PPP1R13B: variants seen among roughly 807,000 people sequenced by gnomAD.
PPP1R13B encodes the protein protein phosphatase 1 regulatory subunit 13B, also known as apoptosis-stimulating of p53 protein 1.
PPP1R13B carries 44 observed loss-of-function variants against 119.8 expected under a neutral mutation model. The ratio of observed to expected loss-of-function variants is 0.37; its 90% confidence interval spans 0.29 to 0.47. The LOEUF is 0.47. Among genes scored for constraint, PPP1R13B ranks in the 20% least tolerant of loss-of-function variants. The pLI, the probability that PPP1R13B is intolerant of heterozygous loss-of-function variation, is 0.99. For missense variants in PPP1R13B, 1,227 were observed against 1,413.5 expected (o/e 0.87, Z 2.12); for synonymous variants, 542 against 561.5 (o/e 0.97, Z 0.49).
At chr14:103,834,091 C>T (rs1452383376) in intron 1 of PPP1R13B, among the ~76,000 whole-genome samples, 1 of 152,140 alleles carries the variant, frequency 6.6e-6, no homozygotes, top group Admixed American at 6.6e-5. Flanking sequence ...CAAAGAGGAA[C>T]TGGCTGGGCG....
chr14:103,803,596 T>C (rs966415342), intron 1 of PPP1R13B, among the ~76,000 whole-genome samples: 2 of 152,134 alleles, frequency 1.3e-5, no homozygotes, highest in Non-Finnish European at 2.9e-5. Context: ...GGAGCCGAGA[T>C]AGCACCACTG....
intron 1 of PPP1R13B, chr14:103,847,016 A>G: frequency 8.7e-7 from 1 of 1,147,328 alleles, no homozygotes; most frequent in Non-Finnish European, 1.1e-6. Context: ...ACCTGAGAGG[A>G]CCGAGGAGAT....
At chr14:103,833,630 G>A (rs899753103) in intron 1 of PPP1R13B, among the ~76,000 whole-genome samples, 7 of 151,968 alleles carry the variant, frequency 4.6e-5, no homozygotes, top group African/African-American at 9.7e-5. Flanking sequence ...GTGACAGAGC[G>A]AGACTCCATC....
chr14:103,822,588 T>G (rs1165341864), intron 1 of PPP1R13B, among the ~76,000 whole-genome samples: 1 of 151,026 alleles, frequency 6.6e-6, no homozygotes, highest in African/African-American at 2.4e-5. Flanking sequence ...CCAAGGCAGG[T>G]GGATCACAAG....
intron 5 of PPP1R13B, among the ~76,000 whole-genome samples, chr14:103,755,598 T>A (rs866168188): frequency 6.6e-6 from 1 of 152,208 alleles, no homozygotes; most frequent in Non-Finnish European, 1.5e-5. Context: ...AGGTTTAAGG[T>A]GTGATTATGA....
chr14:103,843,618 C>T (rs1281231871), intron 1 of PPP1R13B, among the ~76,000 whole-genome samples: 1 of 152,160 alleles, frequency 6.6e-6, no homozygotes, highest in Non-Finnish European at 1.5e-5. Flanking sequence ...CAAAAAAATA[C>T]TATTTTCATA....
At chr14:103,775,431 T>A (rs2085164585) in intron 4 of PPP1R13B, among the ~76,000 whole-genome samples, 1 of 152,122 alleles carries the variant, frequency 6.6e-6, no homozygotes, top group Non-Finnish European at 1.5e-5. Flanking sequence ...CCTGCCATCA[T>A]GCCCAGCTAA....
At chr14:103,816,767 A>C (rs2368561) in intron 1 of PPP1R13B, among the ~76,000 whole-genome samples, 19,929 of 152,156 alleles carry the variant, frequency 0.13, 1,986 homozygotes, top group African/African-American at 0.27. Flanking sequence ...AATACCAAAA[A>C]TTCAGTATTA....
chr14:103,836,039 C>G (rs1247071152), intron 1 of PPP1R13B, among the ~76,000 whole-genome samples: 1 of 150,044 alleles, frequency 6.7e-6, no homozygotes, highest in Non-Finnish European at 1.5e-5. Flanking sequence ...TGGCGCCTGG[C>G]CTACTGACTT....
At chr14:103,805,104 T>A (rs2085986481) in intron 1 of PPP1R13B, among the ~76,000 whole-genome samples, 1 of 152,154 alleles carries the variant, frequency 6.6e-6, no homozygotes, top group Non-Finnish European at 1.5e-5. Flanking sequence ...CTCAAAGTGC[T>A]GGGATTACAG....
chr14:103,814,080 T>C (rs1010190892), intron 1 of PPP1R13B, among the ~76,000 whole-genome samples: 1 of 152,242 alleles, frequency 6.6e-6, no homozygotes, highest in African/African-American at 2.4e-5. Context: ...ATGGGCGTGG[T>C]GGCTCACACC....
At chr14:103,810,758 G>A (rs1389709700) in intron 1 of PPP1R13B, among the ~76,000 whole-genome samples, 5 of 150,622 alleles carry the variant, frequency 3.3e-5, no homozygotes, top group South Asian at 4.2e-4. Flanking sequence ...ATGACAGAGC[G>A]AGACTCCATC....
At chr14:103,807,425 CTG>C (rs1470501717) in intron 1 of PPP1R13B, among the ~76,000 whole-genome samples, 3 of 152,218 alleles carry the variant, frequency 2.0e-5, no homozygotes, top group Non-Finnish European at 2.9e-5. Flanking sequence ...TAATTACCTG[CTG>C]TGTCAGTAGT....
At chr14:103,847,595 C>G (rs937100528), upstream of PPP1R13B, 2 of 986,260 alleles carry the variant, frequency 2.0e-6, no homozygotes, top group Non-Finnish European at 2.4e-6. Context: ...CCGCCCGGCT[C>G]GCTCTTCAGC....
chr14:103,832,849 A>ATGGGC (rs1413528444), intron 1 of PPP1R13B, among the ~76,000 whole-genome samples: 1 of 152,002 alleles, frequency 6.6e-6, no homozygotes, highest in African/African-American at 2.4e-5. Context: ...GGGTGTGGTG[A>ATGGGC]TGGGCGCCTG....
intron 1 of PPP1R13B, among the ~76,000 whole-genome samples, chr14:103,808,061 C>A (rs967999373): frequency 4.0e-5 from 6 of 151,372 alleles, no homozygotes; most frequent in African/African-American, 1.2e-4. Context: ...GCCAACATGG[C>A]GAAACCCCAT....
intron 9 of PPP1R13B, chr14:103,743,828 G>T (rs2084319774): frequency 6.6e-6 from 1 of 152,294 alleles, no homozygotes; most frequent in South Asian, 2.1e-4. Flanking sequence ...CGCTCTGAGC[G>T]CCTGGGCAAC....
chr14:103,752,710 T>C (rs1404112782), intron 7 of PPP1R13B, among the ~76,000 whole-genome samples: 1 of 152,042 alleles, frequency 6.6e-6, no homozygotes, highest in Non-Finnish European at 1.5e-5. Flanking sequence ...AATTTTTCTA[T>C]TTTTAGTAGA....
chr14:103,814,919 T>C (rs915833116), intron 1 of PPP1R13B, among the ~76,000 whole-genome samples: 2 of 151,496 alleles, frequency 1.3e-5, no homozygotes, highest in Admixed American at 1.3e-4. Context: ...CACTGCAGCC[T>C]GGGCGACAGA....
Sources: allele counts gnomAD v4.1 joint callset (sites outside exome capture counted in the v4.1 genomes callset), GRCh38; gene constraint gnomAD v4.1.1; transcripts MANE v1.5; gene names NCBI Gene and HGNC (gene_info 2026-07-23, HGNC 2026-07-21).